Variants in TM2D1 observed in about 807,000 individuals in gnomAD.
TM2D1 encodes the protein TM2 domain containing 1, also known as TM2 domain-containing protein 1.
In TM2D1, 15 loss-of-function variants were observed where a neutral mutation model predicts 28.4. That is an observed-to-expected ratio of 0.53 (90% CI 0.35 to 0.81). The LOEUF is 0.81. Ranked by LOEUF, TM2D1 falls within the 40% of genes least tolerant of loss-of-function variation. The pLI, the probability that TM2D1 is intolerant of heterozygous loss-of-function variation, is 0.01. For missense variants in TM2D1, 236 were observed against 254.9 expected (o/e 0.93, Z 0.50); for synonymous variants, 93 against 96.2 (o/e 0.97, Z 0.20).
chr1:61,717,613 G>T lies in TM2D1; in HGVS notation c.238+6100C>A, dbSNP rs1192625961. Among the ~76,000 whole-genome samples, 7 of 151,958 alleles carry T rather than the reference G, an allele frequency of 4.6e-5. No individual in the cohort carries two copies. The East Asian group carries it at 1.4e-3, about 29-fold the overall frequency. On this transcript the variant is annotated intron_variant, in intron 2 of 6. Transcript: ENST00000606498. ...TTTAGAGACAGGGTTTCACTCCGTTGCCCAAGATGGAGTGAAGTGGCATGA... is the reference window on the plus strand; with the variant it reads ...TTTAGAGACAGGGTTTCACTCCGTTTCCCAAGATGGAGTGAAGTGGCATGA...
At chr1:61,690,539 T>G (rs1644316816) in intron 5 of TM2D1, among the ~76,000 whole-genome samples, 1 of 146,026 alleles carries the variant, frequency 6.8e-6, no homozygotes, top group Non-Finnish European at 1.5e-5. Flanking sequence ...TAGCCCCAAA[T>G]GGACTAAAAC....
At chr1:61,696,733 C>T (rs1377611783) in intron 4 of TM2D1, among the ~76,000 whole-genome samples, 4 of 152,046 alleles carry the variant, frequency 2.6e-5, no homozygotes, top group African/African-American at 7.2e-5. Flanking sequence ...CCTAACCTGC[C>T]TGTCTGAAGC....
At chr1:61,709,487 C>A in intron 2 of TM2D1, 50 bp from the exon 3 acceptor site, 2 of 1,313,648 alleles carry the variant, frequency 1.5e-6, no homozygotes, top group East Asian at 2.4e-5. Context: ...TCTGGAGAAA[C>A]AGTATGTAAT....
At chr1:61,684,862 T>TC (rs1474904350) in intron 5 of TM2D1, among the ~76,000 whole-genome samples, 2 of 152,056 alleles carry the variant, frequency 1.3e-5, no homozygotes, top group African/African-American at 2.4e-5. Flanking sequence ...CACTGCAACC[T>TC]CCCCCCCGGG....
chr1:61,688,073 C>G (rs79861256), intron 5 of TM2D1, among the ~76,000 whole-genome samples: 74 of 152,266 alleles, frequency 4.9e-4, no homozygotes, highest in African/African-American at 1.7e-3. Flanking sequence ...TTCAGAACAC[C>G]TGACTTCATT....
intron 3 of TM2D1, among the ~76,000 whole-genome samples, chr1:61,701,310 CAAAAAAAAAAA>C (rs10587870): frequency 3.7e-3 from 313 of 84,118 alleles, no homozygotes; most frequent in Non-Finnish European, 5.0e-3. Flanking sequence ...TAAATGTTAA[CAAAAAAAAAAA>C]AAAAAAAAAA....
intron 2 of TM2D1, among the ~76,000 whole-genome samples, chr1:61,710,865 TA>T (rs1359236326): frequency 1.3e-5 from 2 of 152,016 alleles, no homozygotes; most frequent in African/African-American, 4.8e-5. Flanking sequence ...AAACGATGGT[TA>T]AAAAAACAAA....
chr1:61,698,341 C>T (rs1358276127), intron 4 of TM2D1: 2 of 152,530 alleles, frequency 1.3e-5, no homozygotes, highest in Non-Finnish European at 2.9e-5. Flanking sequence ...AGACAGATCA[C>T]CTGAGGTTAG....
intron 5 of TM2D1, among the ~76,000 whole-genome samples, chr1:61,691,990 G>A (rs1183066684): frequency 1.5e-5 from 2 of 133,122 alleles, no homozygotes; most frequent in South Asian, 2.4e-4. Context: ...AATAATGAGT[G>A]TCTTTAAATA....
At chr1:61,703,595 T>C (rs1326062252) in intron 3 of TM2D1, among the ~76,000 whole-genome samples, 28 of 146,856 alleles carry the variant, frequency 1.9e-4, no homozygotes, top group Admixed American at 1.7e-3. Flanking sequence ...GTATTTTTAG[T>C]AGAGACAAAA....
chr1:61,696,261 A>C (rs2148043389), intron 4 of TM2D1: 1 of 152,336 alleles, frequency 6.6e-6, no homozygotes, highest in East Asian at 1.9e-4. Context: ...AATATTGGCC[A>C]GGCGCGGTGG....
rs988564708 is a variant in TM2D1, at chr1:61,709,507, A to G, written c.239-70T>C. On this transcript the variant is annotated intron_variant, in intron 2 of 6. Coordinates refer to ENST00000606498, the MANE Select transcript of TM2D1 (RefSeq NM_032027.3). ...AGAAACAGTATGTAATTGTTCTAAG[A>G]CTAGCAAATATGTTATAACAAACTA... 7 of 1,080,802 alleles carry G rather than the reference A, an allele frequency of 6.5e-6. No individual in the cohort carries two copies. The South Asian group carries it at 6.6e-5, about 10-fold the overall frequency. The allele number at this position is 1,080,802 out of a possible 1,614,324, so 67.0% of individuals were successfully genotyped here.
chr1:61,692,666 T>A (rs530793478), intron 5 of TM2D1, among the ~76,000 whole-genome samples: 1 of 152,146 alleles, frequency 6.6e-6, no homozygotes, highest in Admixed American at 6.6e-5. Context: ...GAGGCTGAGA[T>A]GAGAGGATCG....
chr1:61,712,972 G>T (rs1644489289), intron 2 of TM2D1, among the ~76,000 whole-genome samples: 1 of 151,940 alleles, frequency 6.6e-6, no homozygotes, highest in Non-Finnish European at 1.5e-5. Context: ...TTGAGGTCAG[G>T]TCACCTGACC....
chr1:61,702,768 A>T (rs1201887905), intron 3 of TM2D1, among the ~76,000 whole-genome samples: 2 of 151,554 alleles, frequency 1.3e-5, no homozygotes, highest in African/African-American at 4.9e-5. Context: ...ATATATATGT[A>T]ACATATATAA....
intron 5 of TM2D1, 85 bp downstream of exon 5, chr1:61,694,612 T>C (rs921190105): frequency 8.9e-6 from 8 of 898,990 alleles, no homozygotes; most frequent in African/African-American, 8.5e-5. Flanking sequence ...CTTCCTCGTA[T>C]ACTAAACATT....
At chr1:61,686,810 C>T in intron 5 of TM2D1, 1 of 974,774 alleles carries the variant, frequency 1.0e-6, no homozygotes, top group Non-Finnish European at 1.2e-6. Flanking sequence ...ATATCCCATA[C>T]TGGATGGGAG....
intron 1 of TM2D1, chr1:61,724,532 TA>T (rs1644590985): frequency 6.1e-6 from 1 of 164,426 alleles, no homozygotes; most frequent in Non-Finnish European, 1.3e-5. Flanking sequence ...AAGTTAATGA[TA>T]AATGGGCAAC....
chr1:61,705,073 A>G (rs1433203246), intron 3 of TM2D1, among the ~76,000 whole-genome samples: 1 of 152,270 alleles, frequency 6.6e-6, no homozygotes, highest in Admixed American at 6.5e-5. Context: ...AAGTATTATC[A>G]GAACAAGTTT....
Sources: gnomAD v4.1 joint callset for allele counts (sites outside exome capture counted in the v4.1 genomes callset) on GRCh38, gnomAD v4.1.1 for gene constraint, MANE v1.5 for transcripts, NCBI Gene and HGNC (gene_info 2026-07-23, HGNC 2026-07-21) for gene names.